Variants in VNN1 observed in about 807,000 individuals in gnomAD.
VNN1 encodes the protein vanin 1.
Under a neutral mutation model 41.9 loss-of-function variants are expected in VNN1, and 29 were observed. The ratio of observed to expected loss-of-function variants is 0.69; its 90% CI spans 0.52 to 0.94. The LOEUF (loss-of-function observed/expected upper bound fraction) is 0.94. Ranked by LOEUF, VNN1 falls within the 40% of genes least tolerant of loss-of-function variation. The pLI, the probability that VNN1 is intolerant of heterozygous loss-of-function variation, is 0.00. For missense variants in VNN1, 637 were observed against 621.1 expected, an observed-to-expected ratio of 1.03 and a Z score of -0.27; for synonymous variants, 233 against 224.4, an observed-to-expected ratio of 1.04 and a Z score of -0.34.
chr6:132,695,768 A>G (rs113955198), intron 2 of VNN1, among the ~76,000 whole-genome samples: 2,128 of 152,286 alleles, frequency 0.014, 44 homozygotes, highest in African/African-American at 0.047. Flanking sequence ...AAAGGTACAG[A>G]CTCATAAAAG....
intron 5 of VNN1, among the ~76,000 whole-genome samples, chr6:132,685,332 A>T (rs953983407): frequency 6.6e-6 from 1 of 152,338 alleles, no homozygotes; most frequent in African/African-American, 2.4e-5. Flanking sequence ...AGTCACCTTC[A>T]TCTCTTGCTT....
chr6:132,704,166 A>G (rs1399931309), intron 2 of VNN1, among the ~76,000 whole-genome samples: 1 of 152,092 alleles, frequency 6.6e-6, no homozygotes, highest in African/African-American at 2.4e-5. Flanking sequence ...AGGAAAAAAA[A>G]AATAAAGAAA....
chr6:132,692,607 A>ATT, intron 4 of VNN1, 23 bp from the exon 5 acceptor site: 1 of 1,530,204 alleles, frequency 6.5e-7, no homozygotes, highest in Non-Finnish European at 8.7e-7. Flanking sequence ...AGTTGAAAAC[A>ATT]TCATTTGAAA....
At chr6:132,687,935 A>T (rs996041531) in intron 5 of VNN1, among the ~76,000 whole-genome samples, 1 of 152,220 alleles carries the variant, frequency 6.6e-6, no homozygotes, top group African/African-American at 2.4e-5. Flanking sequence ...TGATATAAAC[A>T]AAATTATGCA....
intron 5 of VNN1, among the ~76,000 whole-genome samples, chr6:132,688,689 T>C (rs73559741): frequency 0.028 from 4,232 of 152,260 alleles, 195 homozygotes; most frequent in African/African-American, 0.097. Context: ...TATAATACCA[T>C]ATGAATGTCA....
At chr6:132,702,281 G>A (rs1778458477) in intron 2 of VNN1, among the ~76,000 whole-genome samples, 1 of 152,186 alleles carries the variant, frequency 6.6e-6, no homozygotes, top group African/African-American at 2.4e-5. Flanking sequence ...TGCATCTGAG[G>A]AATCTAGGTT....
intron 5 of VNN1, among the ~76,000 whole-genome samples, chr6:132,685,099 A>C (rs912242743): frequency 6.6e-6 from 1 of 152,248 alleles, no homozygotes; most frequent in African/African-American, 2.4e-5. Flanking sequence ...CAGAGTTGTA[A>C]TGAGCCCTAG....
Position 132,682,911 on chromosome 6 carries a change from T to C in VNN1, c.*229A>G. 1 of 302,342 alleles carries C rather than the reference T, an allele frequency of 3.3e-6. No homozygotes were observed. The highest frequency in any genetic ancestry group is 5.9e-6 in the Non-Finnish European group (1 of 168,484). 18.7% of individuals were successfully genotyped at this position (302,342 alleles called of 1,614,324 possible). The stretch of plus-strand genomic sequence containing the variant: ...ATTTGTGATACTTATTTGATATAAT[T>C]AGCTCACGTCCAAGAAAGACCAATG... On this transcript the variant is annotated 3_prime_UTR_variant, in exon 7 of 7. Coordinates refer to ENST00000367928, the MANE Select transcript of VNN1 (RefSeq NM_004666.3).
At chr6:132,704,470 A>T (rs1178234007) in intron 2 of VNN1, among the ~76,000 whole-genome samples, 3 of 152,160 alleles carry the variant, frequency 2.0e-5, no homozygotes, top group African/African-American at 7.2e-5. Flanking sequence ...CCAGCAGGTT[A>T]ATGAAGAAAT....
At chr6:132,684,528 T>G in intron 5 of VNN1, 23 bp from the exon 6 acceptor site, 1 of 1,612,694 alleles carries the variant, frequency 6.2e-7, no homozygotes, top group Non-Finnish European at 8.5e-7. Context: ...TGAAAACCAG[T>G]AAGTCATAAG....
At chr6:132,713,304 C>T (rs748747874) in intron 1 of VNN1, among the ~76,000 whole-genome samples, 4 of 152,196 alleles carry the variant, frequency 2.6e-5, no homozygotes, top group Non-Finnish European at 5.9e-5. Flanking sequence ...CTGAAACCTT[C>T]ACTAAACTTA....
At chr6:132,694,304 A>G in intron 2 of VNN1, 122 bp from the exon 3 acceptor site, 2 of 1,011,754 alleles carry the variant, frequency 2.0e-6, no homozygotes, top group African/African-American at 3.3e-5. Context: ...TCTAAATAAC[A>G]ATAATTAGAA....
intron 2 of VNN1, among the ~76,000 whole-genome samples, chr6:132,704,561 C>A (rs1048501937): frequency 4.5e-4 from 69 of 151,772 alleles, no homozygotes; most frequent in African/African-American, 1.6e-3. Flanking sequence ...ACAGCAAAAT[C>A]GTTCTAAGAG....
chr6:132,708,378 A>T (rs1311007949), intron 2 of VNN1, among the ~76,000 whole-genome samples: 1 of 152,158 alleles, frequency 6.6e-6, no homozygotes, highest in Non-Finnish European at 1.5e-5. Context: ...ATTATATTAG[A>T]TATAATTAGA....
chr6:132,710,158 C>T (rs1264549878), intron 2 of VNN1, among the ~76,000 whole-genome samples: 1 of 151,934 alleles, frequency 6.6e-6, no homozygotes, highest in Non-Finnish European at 1.5e-5. Context: ...AAGCAGTTCT[C>T]CCTGCCTCAG....
chr6:132,707,723 A>C (rs1411104468), intron 2 of VNN1, among the ~76,000 whole-genome samples: 1 of 152,216 alleles, frequency 6.6e-6, no homozygotes, highest in Admixed American at 6.5e-5. Context: ...AAAACAATTG[A>C]ACTCATGGAG....
intron 4 of VNN1, 86 bp downstream of exon 4, chr6:132,692,938 A>C (rs996881843): frequency 7.2e-7 from 1 of 1,379,382 alleles, no homozygotes; most frequent in Non-Finnish European, 9.7e-7. Flanking sequence ...TGTATTAAGG[A>C]GTATGCGTTA....
intron 2 of VNN1, among the ~76,000 whole-genome samples, chr6:132,704,001 G>T (rs1778484476): frequency 6.6e-6 from 1 of 152,118 alleles, no homozygotes; most frequent in Non-Finnish European, 1.5e-5. Context: ...AATTCTGTCA[G>T]AGGATATAAC....
Position 132,693,839 on chromosome 6 carries a change from A to G in VNN1, c.534+151T>C, listed in dbSNP as rs1455364470. The G allele has an allele frequency of 5.5e-6, 5 of 906,988 alleles. No individual in the cohort carries two copies. In the East Asian group the frequency reaches 7.9e-5, roughly 14 times the overall value. 56.2% of individuals were successfully genotyped at this position (906,988 alleles called of 1,614,324 possible). ...CACGGAACCCCTTAAGCCTCTTTAT[A>G]GGAGCTTTCCACGCTTTATCATTAC... On this transcript the variant is annotated intron_variant, in intron 3 of 6. Transcript: ENST00000367928.
Sources: gnomAD v4.1 joint callset for allele counts (sites outside exome capture counted in the v4.1 genomes callset) on GRCh38, gnomAD v4.1.1 for gene constraint, MANE v1.5 for transcripts, NCBI Gene and HGNC (gene_info 2026-07-23, HGNC 2026-07-21) for gene names.